The following PHACTR3 variants were observed in gnomAD, a reference collection of about 807,000 sequenced individuals.
The protein encoded by PHACTR3 is protein phosphatase 1, regulatory subunit 123.
A neutral mutation model predicts 66.8 loss-of-function variants in PHACTR3; 16 were observed. That is an observed-to-expected ratio of 0.24 (90% CI 0.16 to 0.36). The LOEUF is 0.36. Among genes scored for constraint, PHACTR3 ranks in the 10% least tolerant of loss-of-function variants. The pLI is 1.00. For synonymous variants in PHACTR3, 323 were observed against 292.1 expected, an observed-to-expected ratio of 1.11 and a Z score of -1.08; for missense variants, 647 against 719.9, an observed-to-expected ratio of 0.90 and a Z score of 1.16.
intron 7 of PHACTR3, among the ~76,000 whole-genome samples, chr20:59,800,195 A>G (rs998625884): frequency 6.6e-6 from 1 of 152,210 alleles, no homozygotes; most frequent in Non-Finnish European, 1.5e-5. Context: ...TCTTTTAAAG[A>G]TAAATAATAA....
At chr20:59,744,178 G>C (rs945600500) in intron 2 of PHACTR3, among the ~76,000 whole-genome samples, 3 of 152,248 alleles carry the variant, frequency 2.0e-5, no homozygotes, top group Admixed American at 6.5e-5. Context: ...ACTCCCGCAG[G>C]ATCCTGCCCC....
intron 1 of PHACTR3, among the ~76,000 whole-genome samples, chr20:59,612,422 G>A (rs143622669): frequency 9.3e-5 from 14 of 151,174 alleles, no homozygotes; most frequent in African/African-American, 3.2e-4. Flanking sequence ...GTGCAGTGAC[G>A]CCATCTCGGC....
At chr20:59,739,681 G>C (rs1273798635) in intron 1 of PHACTR3, among the ~76,000 whole-genome samples, 1 of 152,128 alleles carries the variant, frequency 6.6e-6, no homozygotes, top group African/African-American at 2.4e-5. Flanking sequence ...GACACATGGA[G>C]ATTATGGGGA....
chr20:59,771,521 C>T (rs1457033997), intron 5 of PHACTR3, among the ~76,000 whole-genome samples: 4 of 152,156 alleles, frequency 2.6e-5, no homozygotes, highest in Non-Finnish European at 5.9e-5. Context: ...CTCTCCCAAA[C>T]CAGCTACCAC....
At chr20:59,621,464 G>A (rs930886667) in intron 1 of PHACTR3, among the ~76,000 whole-genome samples, 1 of 152,244 alleles carries the variant, frequency 6.6e-6, no homozygotes, top group African/African-American at 2.4e-5. Context: ...CTGGGAGCAT[G>A]GTCTTGGCAC....
intron 1 of PHACTR3, among the ~76,000 whole-genome samples, chr20:59,680,429 C>T (rs1482914778): frequency 6.6e-6 from 1 of 152,142 alleles, no homozygotes; most frequent in East Asian, 1.9e-4. Context: ...TATCCACCTT[C>T]CTACAGTCTG....
intron 7 of PHACTR3, among the ~76,000 whole-genome samples, chr20:59,804,062 C>T (rs1305213900): frequency 6.6e-6 from 1 of 152,150 alleles, no homozygotes; most frequent in Non-Finnish European, 1.5e-5. Context: ...CATGAAAAGT[C>T]CTCATTTTAA....
chr20:59,612,611 C>G (rs1241269934), intron 1 of PHACTR3, among the ~76,000 whole-genome samples: 1 of 152,160 alleles, frequency 6.6e-6, no homozygotes, highest in Non-Finnish European at 1.5e-5. Context: ...GTCTTGAACT[C>G]TTGACCTTGT....
intron 1 of PHACTR3, among the ~76,000 whole-genome samples, chr20:59,716,420 T>C (rs557804720): frequency 6.6e-6 from 1 of 152,054 alleles, no homozygotes; most frequent in East Asian, 1.9e-4. Flanking sequence ...ACCTGTCTAA[T>C]TTTCATATTT....
rs1217946163 is a variant in PHACTR3 at position 59,635,174 on chromosome 20, CTTT to C, written c.118+30043_118+30045del. Among the ~76,000 whole-genome samples the C allele has an allele frequency of 4.8e-3, 183 of 38,000 alleles. 2 individuals carry two copies. The highest frequency in any genetic ancestry group is 0.017 in the Middle Eastern group (1 of 60). 24.9% of individuals were successfully genotyped at this position (38,000 alleles called of 152,430 possible). On this transcript the variant is annotated intron_variant, in intron 1 of 12. Transcript: ENST00000371015. ...TTTTCTTTCTTTCTTTCTTTCCTTT[CTTT>C]CTTTCTTTCTTTCTTTCTCTTTCTT...
At chr20:59,607,852 A>G (rs779964176) in intron 1 of PHACTR3, among the ~76,000 whole-genome samples, 6 of 152,092 alleles carry the variant, frequency 3.9e-5, no homozygotes, top group Non-Finnish European at 7.4e-5. Context: ...CAGTTTAGCC[A>G]TTGGATATTT....
chr20:59,733,345 G>A (rs933843942), intron 1 of PHACTR3, among the ~76,000 whole-genome samples: 1 of 152,132 alleles, frequency 6.6e-6, no homozygotes, highest in African/African-American at 2.4e-5. Context: ...ACTTGATTTT[G>A]GAGGTTCAGC....
chr20:59,635,101 C>CTCTCTCTTTCTTTCTT (rs1555881117), intron 1 of PHACTR3, among the ~76,000 whole-genome samples: 2 of 92,986 alleles, frequency 2.2e-5, no homozygotes. Flanking sequence ...TTCTTTCTCT[C>CTCTCTCTTTCTTTCTT]TCTTTCTTTC....
intron 1 of PHACTR3, among the ~76,000 whole-genome samples, chr20:59,623,459 T>A (rs909251155): frequency 2.0e-5 from 3 of 152,262 alleles, no homozygotes; most frequent in Non-Finnish European, 4.4e-5. Flanking sequence ...AAACCAGGTC[T>A]CTCTGGCTGT....
At position 59,604,877 on chromosome 20, in the gene PHACTR3, CTTT is replaced by C. The variant is rs11477768; in HGVS notation, c.-118_-116del. 534 of 977,126 alleles carry C rather than the reference CTTT, an allele frequency of 5.5e-4. No individual in the cohort carries two copies. The highest frequency in any genetic ancestry group is 4.4e-3 in the African/African-American group (205 of 47,060). 60.5% of individuals were successfully genotyped at this position (977,126 alleles called of 1,614,324 possible). ...TCTCCAGCTCGTTTCCTTTCCCGGC[CTTT>C]TTTTTTTTTTTTTTTTTTTAATTTT... On this transcript the variant is annotated 5_prime_UTR_variant, in exon 1 of 13. Coordinates refer to ENST00000371015, the MANE Select transcript of PHACTR3 (RefSeq NM_080672.5).
chr20:59,770,991 C>T (rs544359935), intron 5 of PHACTR3, among the ~76,000 whole-genome samples: 1 of 152,302 alleles, frequency 6.6e-6, no homozygotes, highest in South Asian at 2.1e-4. Flanking sequence ...GCTTCTGAAC[C>T]TCAGCTTCCT....
chr20:59,674,527 T>C (rs1404307051), intron 1 of PHACTR3, among the ~76,000 whole-genome samples: 3 of 93,164 alleles, frequency 3.2e-5, no homozygotes, highest in Admixed American at 2.7e-4. Flanking sequence ...TGTCCCCGCT[T>C]CTTCTGTCTC....
intron 7 of PHACTR3, among the ~76,000 whole-genome samples, chr20:59,799,254 T>C (rs2041345042): frequency 6.6e-6 from 1 of 152,182 alleles, no homozygotes; most frequent in African/African-American, 2.4e-5. Context: ...TGCGTGCTCT[T>C]CTGTTGTTTG....
chr20:59,699,200 G>C (rs1195432723), intron 1 of PHACTR3, among the ~76,000 whole-genome samples: 4 of 152,204 alleles, frequency 2.6e-5, no homozygotes, highest in Admixed American at 2.6e-4. Context: ...AACCCCAGGA[G>C]TTGGCGATGT....
Sources: gnomAD v4.1 joint callset for allele counts (sites outside exome capture counted in the v4.1 genomes callset) on GRCh38, gnomAD v4.1.1 for gene constraint, MANE v1.5 for transcripts, NCBI Gene and HGNC (gene_info 2026-07-23, HGNC 2026-07-21) for gene names.